The following IFT80 variants were observed in gnomAD, a reference collection of about 807,000 sequenced individuals.
IFT80 encodes intraflagellar transport protein 80 homolog.
Under a neutral mutation model 107.9 loss-of-function variants are expected in IFT80, and 79 were observed. That is an observed-to-expected ratio of 0.73 (90% CI 0.61 to 0.88). The LOEUF (loss-of-function observed/expected upper bound fraction) is 0.88. Ranked by LOEUF, IFT80 falls within the 40% of genes least tolerant of loss-of-function variation. The pLI, the probability that IFT80 is intolerant of heterozygous loss-of-function variation, is 0.00. For synonymous variants in IFT80, 299 were observed against 300.9 expected (o/e 0.99, Z 0.07); for missense variants, 797 against 914.2 (o/e 0.87, Z 1.65).
At chr3:160,271,055 A>T (rs947909523) in intron 18 of IFT80, among the ~76,000 whole-genome samples, 11 of 152,204 alleles carry the variant, frequency 7.2e-5, no homozygotes, top group Non-Finnish European at 1.3e-4. Flanking sequence ...AGATCCTAAG[A>T]ATTATCTATC....
intron 5 of IFT80, 31 bp downstream of exon 5, chr3:160,375,781 C>G (rs762946718): frequency 5.2e-6 from 8 of 1,545,984 alleles, no homozygotes; most frequent in Non-Finnish European, 7.1e-6. Flanking sequence ...GTATAATTTG[C>G]AAAAATGAAA....
At chr3:160,384,776 T>C (rs1488879600) in intron 1 of IFT80, 130 bp from the exon 2 acceptor site, 1 of 645,198 alleles carries the variant, frequency 1.5e-6, no homozygotes, top group African/African-American at 1.9e-5. Context: ...ATCAAGTACA[T>C]GGAAAGAGAA....
At chr3:160,370,712 G>A (rs1237623740) in intron 5 of IFT80, among the ~76,000 whole-genome samples, 2 of 152,058 alleles carry the variant, frequency 1.3e-5, no homozygotes, top group Non-Finnish European at 2.9e-5. Flanking sequence ...GATCCAAAGA[G>A]ATCTCCATCA....
intron 11 of IFT80, 63 bp from the exon 12 acceptor site, chr3:160,301,109 T>C: frequency 7.2e-7 from 1 of 1,394,706 alleles, no homozygotes. Context: ...TGTTTTCATA[T>C]TACAGAATAG....
intron 1 of IFT80, among the ~76,000 whole-genome samples, chr3:160,389,380 G>A (rs1255187773): frequency 6.6e-6 from 1 of 151,722 alleles, no homozygotes; most frequent in Non-Finnish European, 1.5e-5. Flanking sequence ...TGCACAATGT[G>A]CAGGTTAGTT....
intron 8 of IFT80, among the ~76,000 whole-genome samples, chr3:160,330,470 C>T (rs1355886966): frequency 6.6e-6 from 1 of 152,108 alleles, no homozygotes; most frequent in Non-Finnish European, 1.5e-5. Context: ...TATTCATAAC[C>T]TAATTTTCTT....
At chr3:160,395,305 A>C (rs1401733569) in intron 1 of IFT80, among the ~76,000 whole-genome samples, 1 of 152,228 alleles carries the variant, frequency 6.6e-6, no homozygotes, top group East Asian at 1.9e-4. Context: ...CAAATTAGTT[A>C]TGATGATTAA....
At chr3:160,335,936 A>G (rs1719432820) in intron 8 of IFT80, among the ~76,000 whole-genome samples, 1 of 152,106 alleles carries the variant, frequency 6.6e-6, no homozygotes, top group South Asian at 2.1e-4. Context: ...GCCTTCTTTC[A>G]CTTAGCATGT....
In IFT80 at chr3:160,262,169, C is replaced by G. The variant is rs151184663; in HGVS notation, c.2224-3534G>C. On this transcript the variant is annotated intron_variant, in intron 19 of 19. Transcript: ENST00000326448. ...ATAATATGTGCAGTGTACATCACAG[C>G]AGGAGAAATCTCAATGAAAGGTAAC... Among the ~76,000 whole-genome samples the G allele has an allele frequency of 4.2e-3, 640 of 152,242 alleles. 7 individuals are homozygous for G. The highest frequency in any genetic ancestry group is 0.015 in the African/African-American group (606 of 41,536).
chr3:160,390,603 G>A (rs1163143901), intron 1 of IFT80, among the ~76,000 whole-genome samples: 4 of 152,162 alleles, frequency 2.6e-5, no homozygotes, highest in African/African-American at 9.7e-5. Flanking sequence ...GATGGTTGGA[G>A]ATGGTAGAAA....
At chr3:160,340,302 T>C (rs1719803266) in intron 8 of IFT80, among the ~76,000 whole-genome samples, 1 of 152,128 alleles carries the variant, frequency 6.6e-6, no homozygotes, top group South Asian at 2.1e-4. Context: ...AAAGATATAG[T>C]TTGTATCTTT....
At chr3:160,297,500 T>C (rs959784564) in intron 12 of IFT80, among the ~76,000 whole-genome samples, 10 of 152,112 alleles carry the variant, frequency 6.6e-5, no homozygotes, top group African/African-American at 1.2e-4. Flanking sequence ...TTCCAGAGGA[T>C]TGCACTTTTA....
At chr3:160,343,830 G>T in intron 8 of IFT80, 1 of 301,902 alleles carries the variant, frequency 3.3e-6, no homozygotes, top group South Asian at 2.8e-5. Context: ...CAACAAAACA[G>T]AATTTATTTT....
chr3:160,275,484 G>T (rs1480931758), intron 18 of IFT80, among the ~76,000 whole-genome samples: 1 of 152,110 alleles, frequency 6.6e-6, no homozygotes, highest in Non-Finnish European at 1.5e-5. Flanking sequence ...TATGCTTCCT[G>T]AACAGCAGAA....
intron 5 of IFT80, among the ~76,000 whole-genome samples, chr3:160,372,239 A>C: frequency 6.6e-6 from 1 of 152,184 alleles, no homozygotes; most frequent in East Asian, 1.9e-4. Flanking sequence ...ATGATAATTC[A>C]GGTTTATATT....
At chr3:160,310,068 T>C (rs1049089010) in intron 9 of IFT80, among the ~76,000 whole-genome samples, 1 of 152,134 alleles carries the variant, frequency 6.6e-6, no homozygotes, top group East Asian at 1.9e-4. Context: ...CTAGAAGTAA[T>C]GATCAAATCA....
chr3:160,370,806 T>TA (rs1488724616), intron 5 of IFT80, among the ~76,000 whole-genome samples: 1 of 152,200 alleles, frequency 6.6e-6, no homozygotes, highest in East Asian at 1.9e-4. Context: ...TCTTTACTCT[T>TA]ACAGGGTACA....
Position 160,300,995 on chromosome 3 carries a change from C to T in IFT80, c.1203G>A (p.Gly401=). Residue 401 remains glycine (G), a synonymous_variant, in exon 12 of 20, where the codon GGG becomes GGA. Coordinates refer to ENST00000326448, the MANE Select transcript of IFT80 (RefSeq NM_020800.3). ...GSSIYLYSYE[G]RFISSPKFPG... is the part of the protein sequence containing the mutation. ...GAAATTTTGGAGATGAAATAAAGCG[C>T]CCTTCATATGAATATAAATAGATAC... 6.2e-7 allele frequency: 1 copy of T among 1,602,744 alleles called. No homozygotes were observed.
chr3:160,390,184 G>A (rs952534350), intron 1 of IFT80, among the ~76,000 whole-genome samples: 2 of 152,050 alleles, frequency 1.3e-5, no homozygotes, highest in Admixed American at 6.5e-5. Context: ...TTGGGAGGCC[G>A]AGGCGGGCGG....
Sources: gnomAD v4.1 joint callset for allele counts (sites outside exome capture counted in the v4.1 genomes callset) on GRCh38, gnomAD v4.1.1 for gene constraint, MANE v1.5 for transcripts, NCBI Gene and HGNC (gene_info 2026-07-23, HGNC 2026-07-21) for gene names.